LRRC4C: variants seen among roughly 807,000 people sequenced by gnomAD.
LRRC4C encodes leucine rich repeat containing 4C.
In LRRC4C, 5 loss-of-function variants were observed where a neutral mutation model predicts 33.6. The observed-to-expected ratio is 0.15, with a 90% CI of 0.08 to 0.31. LRRC4C has a LOEUF of 0.31. LRRC4C is among the 10% of genes least tolerant of loss of function. LRRC4C has a pLI of 1.00. For missense variants in LRRC4C, 560 were observed against 796.7 expected (o/e 0.70, Z 3.58); for synonymous variants, 329 against 302.0 (o/e 1.09, Z -0.93).
At chr11:40,386,521 A>G (rs944342285) in intron 3 of LRRC4C, among the ~76,000 whole-genome samples, 3 of 152,206 alleles carry the variant, frequency 2.0e-5, no homozygotes, top group African/African-American at 7.2e-5. Context: ...TTGTTCAATT[A>G]CATTAGGTCT....
intron 1 of LRRC4C, among the ~76,000 whole-genome samples, chr11:41,226,848 C>A (rs1258763964): frequency 6.6e-6 from 1 of 151,880 alleles, no homozygotes; most frequent in African/African-American, 2.4e-5. Flanking sequence ...TCCACATCTG[C>A]AGTCTCCCAT....
intron 1 of LRRC4C, among the ~76,000 whole-genome samples, chr11:41,409,850 T>C (rs1380455067): frequency 2.0e-5 from 3 of 152,194 alleles, no homozygotes; most frequent in Non-Finnish European, 4.4e-5. Flanking sequence ...GAACTGAATA[T>C]TTGTATAGAT....
chr11:40,761,459 T>C (rs1282644095), intron 2 of LRRC4C, among the ~76,000 whole-genome samples: 1 of 152,120 alleles, frequency 6.6e-6, no homozygotes, highest in South Asian at 2.1e-4. Flanking sequence ...AAGCCTCACC[T>C]GCAACCTCAG....
At chr11:40,481,358 C>G (rs1953553112) in intron 3 of LRRC4C, among the ~76,000 whole-genome samples, 1 of 151,942 alleles carries the variant, frequency 6.6e-6, no homozygotes, top group African/African-American at 2.4e-5. Context: ...TATATTCTGG[C>G]CAATGGTCAT....
chr11:41,028,853 A>G (rs1856547067), intron 1 of LRRC4C, among the ~76,000 whole-genome samples: 1 of 151,578 alleles, frequency 6.6e-6, no homozygotes, highest in South Asian at 2.1e-4. Flanking sequence ...CCTATAAATT[A>G]TTTTATGGGA....
chr11:40,540,550 TC>T (rs1396197232), intron 3 of LRRC4C, among the ~76,000 whole-genome samples: 1 of 152,128 alleles, frequency 6.6e-6, no homozygotes, highest in African/African-American at 2.4e-5. Flanking sequence ...CAACTAGTGC[TC>T]CCTGCTGCCC....
At chr11:41,152,426 C>A (rs1388237923) in intron 1 of LRRC4C, among the ~76,000 whole-genome samples, 1 of 152,176 alleles carries the variant, frequency 6.6e-6, no homozygotes, top group Non-Finnish European at 1.5e-5. Flanking sequence ...CTCCTGTTTT[C>A]TCTGAAGTCC....
intron 3 of LRRC4C, among the ~76,000 whole-genome samples, chr11:40,620,294 A>T (rs900217186): frequency 6.6e-6 from 1 of 151,702 alleles, no homozygotes; most frequent in Non-Finnish European, 1.5e-5. Context: ...AAAGAAAAAA[A>T]TCAGAATCTG....
At chr11:40,965,582 CAT>C (rs1851293928) in intron 1 of LRRC4C, among the ~76,000 whole-genome samples, 1 of 152,164 alleles carries the variant, frequency 6.6e-6, no homozygotes, top group East Asian at 1.9e-4. Context: ...CAGCTTTCCA[CAT>C]ATGGCTAGCC....
At chr11:40,438,772 G>A (rs1455452902) in intron 3 of LRRC4C, among the ~76,000 whole-genome samples, 1 of 151,964 alleles carries the variant, frequency 6.6e-6, no homozygotes, top group Non-Finnish European at 1.5e-5. Context: ...TTAAAAATAA[G>A]TATCTCACTT....
intron 3 of LRRC4C, among the ~76,000 whole-genome samples, chr11:40,510,778 A>G (rs1955275366): frequency 6.6e-6 from 1 of 152,166 alleles, no homozygotes; most frequent in Non-Finnish European, 1.5e-5. Context: ...TTTGAAGAGG[A>G]GTAGTATATA....
At chr11:41,387,356 C>A (rs964232045) in intron 1 of LRRC4C, among the ~76,000 whole-genome samples, 10 of 151,656 alleles carry the variant, frequency 6.6e-5, no homozygotes, top group Admixed American at 1.3e-4. Context: ...GAACACCTGA[C>A]TGAATCAGTG....
At chr11:40,470,626 C>T (rs1952885675) in intron 3 of LRRC4C, among the ~76,000 whole-genome samples, 1 of 152,098 alleles carries the variant, frequency 6.6e-6, no homozygotes, top group Non-Finnish European at 1.5e-5. Context: ...TGCAAGGAAG[C>T]TAAGAACCTT....
intron 2 of LRRC4C, among the ~76,000 whole-genome samples, chr11:40,810,333 T>C (rs1951434935): frequency 6.6e-6 from 1 of 152,196 alleles, no homozygotes; most frequent in Non-Finnish European, 1.5e-5. Flanking sequence ...CTCAGTTGCC[T>C]TGGTTATCTC....
intron 2 of LRRC4C, among the ~76,000 whole-genome samples, chr11:40,838,485 T>C (rs1952775790): frequency 6.6e-6 from 1 of 152,212 alleles, no homozygotes. Flanking sequence ...CAAATATTCC[T>C]AGTCTTCCCA....
chr11:40,879,918 C>A (rs1435446878), intron 2 of LRRC4C, among the ~76,000 whole-genome samples: 1 of 152,118 alleles, frequency 6.6e-6, no homozygotes, highest in Non-Finnish European at 1.5e-5. Context: ...CATTGCCACT[C>A]TGCTTGTTGA....
intron 3 of LRRC4C, among the ~76,000 whole-genome samples, chr11:40,591,372 A>T (rs1057168866): frequency 6.6e-6 from 1 of 152,100 alleles, no homozygotes; most frequent in Non-Finnish European, 1.5e-5. Flanking sequence ...ACCTGCGCCC[A>T]CTGTCTGGCA....
chr11:40,405,608 CAA>C (rs71060958), intron 3 of LRRC4C, among the ~76,000 whole-genome samples: 3 of 70,836 alleles, frequency 4.2e-5, no homozygotes, highest in Admixed American at 1.5e-4. Context: ...ACACTCTATC[CAA>C]AAAAAAAAAA....
At chr11:40,592,174 AT>A (rs1451300536) in intron 3 of LRRC4C, among the ~76,000 whole-genome samples, 9 of 152,232 alleles carry the variant, frequency 5.9e-5, no homozygotes, top group Non-Finnish European at 2.9e-5. Context: ...TAATGACACA[AT>A]TAACAGTAAA....
Sources: gnomAD v4.1 joint callset for allele counts (sites outside exome capture counted in the v4.1 genomes callset) on GRCh38, gnomAD v4.1.1 for gene constraint, MANE v1.5 for transcripts, NCBI Gene and HGNC (gene_info 2026-07-23, HGNC 2026-07-21) for gene names.